The following MNAT1 variants were observed in gnomAD, a reference collection of about 807,000 sequenced individuals.
MNAT1 encodes CDK-activating kinase assembly factor MAT1.
Under a neutral mutation model 42.0 loss-of-function variants are expected in MNAT1, and 43 were observed. The ratio of observed to expected loss-of-function variants is 1.02; its 90% CI spans 0.80 to 1.32. The LOEUF is 1.32. MNAT1 is among the 40% of genes most tolerant of loss of function. The probability of loss-of-function intolerance (pLI) is 0.00; values close to 1 mark genes in which losing one functional copy is unlikely to be tolerated. For missense variants in MNAT1, 306 were observed against 350.4 expected (o/e 0.87, Z 1.01); for synonymous variants, 118 against 120.0 (o/e 0.98, Z 0.11).
chr14:60,875,714 C>T (rs1258466656), intron 6 of MNAT1, among the ~76,000 whole-genome samples: 1 of 152,062 alleles, frequency 6.6e-6, no homozygotes, highest in Non-Finnish European at 1.5e-5. Flanking sequence ...TCAGAGAAGA[C>T]TTTGAATTAT....
At chr14:60,855,057 T>C (rs996364849) in intron 6 of MNAT1, among the ~76,000 whole-genome samples, 1 of 152,286 alleles carries the variant, frequency 6.6e-6, no homozygotes, top group African/African-American at 2.4e-5. Context: ...CACAGCTGTT[T>C]TGCTGTGCTG....
intron 7 of MNAT1, among the ~76,000 whole-genome samples, chr14:60,914,294 C>G (rs1463137249): frequency 2.0e-5 from 3 of 152,200 alleles, no homozygotes; most frequent in Non-Finnish European, 4.4e-5. Flanking sequence ...ATGCCTTGCC[C>G]TGCTTCGGCT....
intron 6 of MNAT1, among the ~76,000 whole-genome samples, chr14:60,848,754 A>T (rs1478312696): frequency 6.6e-6 from 1 of 152,196 alleles, no homozygotes; most frequent in East Asian, 1.9e-4. Flanking sequence ...GCTTATAATA[A>T]TTAAAGTATT....
At chr14:60,784,088 C>A (rs1020027153) in intron 1 of MNAT1, among the ~76,000 whole-genome samples, 6 of 151,704 alleles carry the variant, frequency 4.0e-5, no homozygotes, top group African/African-American at 1.5e-4. Flanking sequence ...CTCACTGCAA[C>A]CTCCGCCTCC....
intron 7 of MNAT1, among the ~76,000 whole-genome samples, chr14:60,914,512 G>T (rs577068712): frequency 6.6e-6 from 1 of 151,364 alleles, no homozygotes; most frequent in African/African-American, 2.4e-5. Flanking sequence ...TAATTTCATG[G>T]TTATTACAGA....
chr14:60,887,196 CAG>C (rs1180841795), intron 7 of MNAT1, among the ~76,000 whole-genome samples: 3 of 65,434 alleles, frequency 4.6e-5, no homozygotes, highest in Non-Finnish European at 1.0e-4. Context: ...TGTTACATAT[CAG>C]AGCTGTTTTT....
intron 1 of MNAT1, among the ~76,000 whole-genome samples, chr14:60,775,861 G>C (rs1235517028): frequency 2.6e-5 from 4 of 152,186 alleles, no homozygotes; most frequent in African/African-American, 9.7e-5. Flanking sequence ...GTATGAAATG[G>C]TTCATTCAGG....
intron 7 of MNAT1, among the ~76,000 whole-genome samples, chr14:60,891,184 C>T (rs1051650276): frequency 6.6e-6 from 1 of 151,952 alleles, no homozygotes; most frequent in African/African-American, 2.4e-5. Context: ...TTTCCTTAGT[C>T]TATTTAGCAT....
intron 7 of MNAT1, among the ~76,000 whole-genome samples, chr14:60,961,060 T>G (rs901942309): frequency 6.6e-6 from 1 of 152,168 alleles, no homozygotes; most frequent in Non-Finnish European, 1.5e-5. Flanking sequence ...CCTCCCGGGT[T>G]CAAGTGATTC....
At chr14:60,812,874 G>A (rs946221498) in intron 5 of MNAT1, among the ~76,000 whole-genome samples, 6 of 151,992 alleles carry the variant, frequency 3.9e-5, no homozygotes, top group Admixed American at 2.0e-4. Context: ...TATCACCTTC[G>A]CCATCTTTTA....
chr14:60,908,369 G>A (rs901047110), intron 7 of MNAT1, among the ~76,000 whole-genome samples: 1 of 151,380 alleles, frequency 6.6e-6, no homozygotes, highest in Non-Finnish European at 1.5e-5. Context: ...TGTGTACAAC[G>A]TGCAGGTTTG....
intron 6 of MNAT1, among the ~76,000 whole-genome samples, chr14:60,832,791 G>T (rs2033263634): frequency 1.3e-5 from 2 of 152,020 alleles, no homozygotes; most frequent in Non-Finnish European, 2.9e-5. Context: ...TCATGACATT[G>T]ACTCTTCCTA....
At chr14:60,802,084 A>G (rs964209107) in intron 3 of MNAT1, among the ~76,000 whole-genome samples, 3 of 152,142 alleles carry the variant, frequency 2.0e-5, no homozygotes, top group African/African-American at 7.2e-5. Context: ...GAACTTAGAG[A>G]AGTAAAGAGT....
At chr14:60,797,077 G>A (rs2032042591) in intron 2 of MNAT1, among the ~76,000 whole-genome samples, 2 of 151,890 alleles carry the variant, frequency 1.3e-5, no homozygotes, top group African/African-American at 2.4e-5. Flanking sequence ...TTTGTTAATA[G>A]TTTTGGGTTT....
intron 7 of MNAT1, among the ~76,000 whole-genome samples, chr14:60,902,197 A>G (rs1468277845): frequency 6.6e-6 from 1 of 152,226 alleles, no homozygotes; most frequent in East Asian, 1.9e-4. Context: ...CCGATGGCCC[A>G]GAGGATCATT....
chr14:60,850,129 A>C (rs909410794), intron 6 of MNAT1, among the ~76,000 whole-genome samples: 3 of 152,112 alleles, frequency 2.0e-5, no homozygotes, highest in Admixed American at 1.3e-4. Flanking sequence ...GGGCCACCTC[A>C]CCTGGCCTTA....
intron 6 of MNAT1, among the ~76,000 whole-genome samples, chr14:60,852,780 C>T (rs961143517): frequency 2.0e-5 from 3 of 152,128 alleles, no homozygotes; most frequent in African/African-American, 7.2e-5. Flanking sequence ...CCAGTTTTCC[C>T]AACACCATTT....
chr14:60,959,200 CT>C (rs775027327), intron 7 of MNAT1, among the ~76,000 whole-genome samples: 27 of 152,190 alleles, frequency 1.8e-4, no homozygotes, highest in Non-Finnish European at 3.2e-4. Flanking sequence ...CTGTTAGGGT[CT>C]TCTGCAGAGC....
chr14:60,773,934 T>C (rs975814737), intron 1 of MNAT1, among the ~76,000 whole-genome samples: 11 of 152,170 alleles, frequency 7.2e-5, no homozygotes, highest in African/African-American at 2.7e-4. Context: ...TTTTGGAAAA[T>C]GAATGTAGTT....
Sources: gnomAD v4.1 joint callset for allele counts (sites outside exome capture counted in the v4.1 genomes callset) on GRCh38, gnomAD v4.1.1 for gene constraint, MANE v1.5 for transcripts, NCBI Gene and HGNC (gene_info 2026-07-23, HGNC 2026-07-21) for gene names.